CHRNA7: variants seen among roughly 807,000 people sequenced by gnomAD.
CHRNA7 encodes the protein cholinergic receptor nicotinic alpha 7 subunit, also known as neuronal acetylcholine receptor subunit alpha-7.
In CHRNA7, 17 loss-of-function variants were observed where a neutral mutation model predicts 48.0. That is an observed-to-expected ratio of 0.35 (90% confidence interval 0.24 to 0.53). The LOEUF (loss-of-function observed/expected upper bound fraction) is 0.53, where lower values mean the gene tolerates loss of function less well. Ranked by LOEUF, CHRNA7 falls within the 20% of genes least tolerant of loss-of-function variation. The pLI, the probability that CHRNA7 is intolerant of heterozygous loss-of-function variation, is 0.92. For synonymous variants in CHRNA7, 75 were observed against 242.3 expected (o/e 0.31, Z 6.41); for missense variants, 155 against 577.7 (o/e 0.27, Z 7.50).
intron 2 of CHRNA7, among the ~76,000 whole-genome samples, chr15:32,094,593 C>CA (rs1267312956): frequency 1.3e-5 from 2 of 152,176 alleles, no homozygotes; most frequent in Non-Finnish European, 2.9e-5. Flanking sequence ...ACCTTTCTAT[C>CA]AAAGGAACTT....
intron 4 of CHRNA7, among the ~76,000 whole-genome samples, chr15:32,136,988 C>T (rs370881726): frequency 2.1e-4 from 29 of 139,276 alleles, no homozygotes; most frequent in African/African-American, 5.6e-4. Context: ...GCCGAGATCC[C>T]GCCACTGCAC....
chr15:32,047,902 G>A (rs1016982776), intron 2 of CHRNA7, among the ~76,000 whole-genome samples: 1 of 152,106 alleles, frequency 6.6e-6, no homozygotes, highest in African/African-American at 2.4e-5. Flanking sequence ...TTTTGTCAAA[G>A]GCCTTTTCTG....
chr15:32,065,901 C>A (rs1472013195), intron 2 of CHRNA7, among the ~76,000 whole-genome samples: 1 of 150,628 alleles, frequency 6.6e-6, no homozygotes, highest in African/African-American at 2.5e-5. Context: ...CCCCAGCACA[C>A]AACACAGCCC....
intron 4 of CHRNA7, among the ~76,000 whole-genome samples, chr15:32,152,166 T>G (rs1278297231): frequency 5.3e-5 from 8 of 152,202 alleles, no homozygotes; most frequent in Admixed American, 5.2e-4. Flanking sequence ...AAGGACAGGC[T>G]AGGCGCGGTG....
chr15:32,084,012 A>G (rs954335335), intron 2 of CHRNA7, among the ~76,000 whole-genome samples: 2 of 152,180 alleles, frequency 1.3e-5, no homozygotes, highest in Non-Finnish European at 2.9e-5. Flanking sequence ...GGGCTGAAGA[A>G]GGGAGAGGTA....
chr15:32,167,812 C>G, intron 9 of CHRNA7, 128 bp from the exon 10 acceptor site: 1 of 574,720 alleles, frequency 1.7e-6, no homozygotes, highest in Non-Finnish European at 2.6e-6. Flanking sequence ...CTAAAATCAT[C>G]TGGGAGGCAG....
intron 4 of CHRNA7, among the ~76,000 whole-genome samples, chr15:32,151,176 C>T (rs2051621153): frequency 6.6e-6 from 1 of 152,016 alleles, no homozygotes; most frequent in African/African-American, 2.4e-5. Context: ...AAACTGTGTC[C>T]TTAATCAAGT....
At chr15:32,040,943 T>C (rs1566795372) in intron 2 of CHRNA7, among the ~76,000 whole-genome samples, 1 of 152,192 alleles carries the variant, frequency 6.6e-6, no homozygotes, top group East Asian at 1.9e-4. Flanking sequence ...TAATTCTAGA[T>C]TTGTGACTTT....
Position 32,101,357 on chromosome 15 carries a change from GA to G in CHRNA7, c.240+11del. ...CATTTGGCTGCAAATGGTAAGTTAA[GA>G]GAATGACAATCTCTCCCATGGGCTG... is the stretch of plus-strand genomic sequence containing the variant. On this transcript the variant is annotated intron_variant, in intron 3 of 9. Transcript: ENST00000306901. 1 of 1,581,798 alleles carries G rather than the reference GA, an allele frequency of 6.3e-7. No individual in the cohort carries two copies. Among genetic ancestry groups the G allele is most frequent in the Non-Finnish European group, 8.6e-7 (1 of 1,168,932 alleles).
intron 4 of CHRNA7, among the ~76,000 whole-genome samples, chr15:32,148,139 G>A (rs1260128601): frequency 2.0e-5 from 3 of 152,150 alleles, no homozygotes; most frequent in Non-Finnish European, 4.4e-5. Flanking sequence ...ACTATTTAGG[G>A]TCATCCTGAA....
intron 4 of CHRNA7, among the ~76,000 whole-genome samples, chr15:32,150,944 T>C (rs1395416972): frequency 6.7e-6 from 1 of 149,952 alleles, no homozygotes; most frequent in Non-Finnish European, 1.5e-5. Context: ...TTTTTGGAAG[T>C]AAGGGGGGGG....
intron 2 of CHRNA7, among the ~76,000 whole-genome samples, chr15:32,074,670 T>TATTATTATTATTTG: frequency 6.9e-6 from 1 of 145,450 alleles, no homozygotes; most frequent in African/African-American, 2.5e-5. Context: ...ATTATTATTT[T>TATTATTATTATTTG]TGAGACAGAG....
chr15:32,038,077 T>TAA (rs1289723006), intron 2 of CHRNA7, among the ~76,000 whole-genome samples: 8 of 141,710 alleles, frequency 5.6e-5, no homozygotes, highest in Non-Finnish European at 1.2e-4. Flanking sequence ...TATATAAATA[T>TAA]ACATATGTAC....
At chr15:32,080,240 G>T (rs1169136707) in intron 2 of CHRNA7, among the ~76,000 whole-genome samples, 1 of 152,118 alleles carries the variant, frequency 6.6e-6, no homozygotes, top group African/African-American at 2.4e-5. Context: ...GTAGGCATGG[G>T]CAAAGATTTC....
intron 2 of CHRNA7, among the ~76,000 whole-genome samples, chr15:32,089,699 T>C (rs2050352951): frequency 6.6e-6 from 1 of 152,234 alleles, no homozygotes; most frequent in African/African-American, 2.4e-5. Context: ...CTAAGTCCTG[T>C]TCTGATGTTT....
chr15:32,051,167 C>A (rs968768067), intron 2 of CHRNA7, among the ~76,000 whole-genome samples: 14 of 150,544 alleles, frequency 9.3e-5, no homozygotes, highest in Non-Finnish European at 1.5e-4. Context: ...AGAACCACTG[C>A]TCTCCTTAAA....
intron 2 of CHRNA7, among the ~76,000 whole-genome samples, chr15:32,031,757 CTA>C (rs1267315508): frequency 2.6e-5 from 4 of 152,376 alleles, no homozygotes; most frequent in Middle Eastern, 3.4e-3. Flanking sequence ...TATTGTTCCT[CTA>C]TGCTGCTTTG....
At chr15:32,112,547 G>A (rs1179196326) in intron 4 of CHRNA7, among the ~76,000 whole-genome samples, 1 of 152,220 alleles carries the variant, frequency 6.6e-6, no homozygotes. Flanking sequence ...GTTTCTAGAA[G>A]CAGTAAAATT....
intron 4 of CHRNA7, among the ~76,000 whole-genome samples, chr15:32,125,789 A>T (rs1255827948): frequency 6.6e-6 from 1 of 152,162 alleles, no homozygotes; most frequent in East Asian, 1.9e-4. Flanking sequence ...GGAATCGGTC[A>T]TACATGGTCC....
Sources: allele counts gnomAD v4.1 joint callset (sites outside exome capture counted in the v4.1 genomes callset), GRCh38; gene constraint gnomAD v4.1.1; transcripts MANE v1.5; gene names NCBI Gene and HGNC (gene_info 2026-07-23, HGNC 2026-07-21).